CFAP91: variants seen among roughly 807,000 people sequenced by gnomAD.
CFAP91 encodes the protein cilia- and flagella-associated protein 91.
CFAP91 carries 85 observed loss-of-function variants against 95.9 expected under a neutral mutation model. The observed-to-expected ratio is 0.89, with a 90% CI of 0.74 to 1.06. The LOEUF is 1.06. Ranked by LOEUF, CFAP91 falls within the 50% of genes least tolerant of loss-of-function variation. The pLI is 0.00. For missense variants in CFAP91, 962 were observed against 943.4 expected, an observed-to-expected ratio of 1.02 and a Z score of -0.26; for synonymous variants, 335 against 327.5, an observed-to-expected ratio of 1.02 and a Z score of -0.25.
intron 5 of CFAP91, chr3:119,713,083 TTTTATTTA>T (rs199743132): frequency 0.2 from 27,424 of 139,476 alleles, 2,820 homozygotes; most frequent in Admixed American, 0.24. Context: ...TTTATTTTAT[TTTTATTTA>T]TTTATTTATT....
intron 17 of CFAP91, among the ~76,000 whole-genome samples, chr3:119,751,445 C>T (rs1005730981): frequency 6.6e-6 from 1 of 152,134 alleles, no homozygotes; most frequent in Non-Finnish European, 1.5e-5. Context: ...ACAAGGTATG[C>T]CCTAATGCAT....
At chr3:119,731,263 T>C (rs994660090) in intron 8 of CFAP91, among the ~76,000 whole-genome samples, 2 of 152,198 alleles carry the variant, frequency 1.3e-5, no homozygotes, top group Non-Finnish European at 2.9e-5. Context: ...ATCAATTACA[T>C]GTGCAGACTA....
intron 15 of CFAP91, 101 bp downstream of exon 15, chr3:119,747,364 A>ACGC: frequency 7.5e-7 from 1 of 1,325,154 alleles, no homozygotes; most frequent in South Asian, 1.5e-5. Flanking sequence ...GTAGAAACAA[A>ACGC]TAACTCATAC....
chr3:119,748,784 T>C (rs1204677607), intron 16 of CFAP91, among the ~76,000 whole-genome samples: 1 of 152,202 alleles, frequency 6.6e-6, no homozygotes, highest in Admixed American at 6.5e-5. Flanking sequence ...TGTTTCCAGT[T>C]TGTTTTCCTG....
intron 5 of CFAP91, among the ~76,000 whole-genome samples, chr3:119,712,556 G>A (rs1417786837): frequency 6.6e-6 from 1 of 152,162 alleles, no homozygotes; most frequent in East Asian, 1.9e-4. Flanking sequence ...GAATTTTATA[G>A]TAGAATAATT....
intron 3 of CFAP91, among the ~76,000 whole-genome samples, chr3:119,708,383 T>C (rs1315447325): frequency 6.6e-6 from 1 of 152,174 alleles, no homozygotes; most frequent in African/African-American, 2.4e-5. Context: ...CAGCTCTTGC[T>C]CTGTCTGACT....
In CFAP91 at chr3:119,739,238, T is replaced by C; in HGVS notation, c.1462-17T>C. On this transcript the variant is annotated splice_polypyrimidine_tract_variant and intron_variant, in intron 11 of 17. Transcript: ENST00000273390. ...CTGCAGTTCTCAAGCTGCTTGGTTC[T>C]CCCTTTGTTCTTTTAGGAAGAAGAA... is the stretch of plus-strand genomic sequence containing the variant. The C allele has an allele frequency of 6.2e-7, 1 of 1,611,828 alleles. No individual in the cohort carries two copies. Among genetic ancestry groups the C allele is most frequent in the East Asian group, 2.2e-5 (1 of 44,876 alleles).
At chr3:119,753,146 G>T (rs2054357758) in intron 17 of CFAP91, among the ~76,000 whole-genome samples, 1 of 152,102 alleles carries the variant, frequency 6.6e-6, no homozygotes, top group Non-Finnish European at 1.5e-5. Context: ...AAATTTAGAG[G>T]GTTGGGTCTG....
At chr3:119,731,895 TTTGCTTTTGATTATCC>T (rs1463491747) in intron 8 of CFAP91, among the ~76,000 whole-genome samples, 1 of 152,252 alleles carries the variant, frequency 6.6e-6, no homozygotes, top group Non-Finnish European at 1.5e-5. Context: ...ACCTGTAGTC[TTTGCTTTTGATTATCC>T]TTGTAGGGGA....
At chr3:119,736,944 C>G (rs9824097) in intron 10 of CFAP91, among the ~76,000 whole-genome samples, 2,412 of 152,206 alleles carry the variant, frequency 0.016, 59 homozygotes, top group African/African-American at 0.055. Flanking sequence ...TCAGGTGATT[C>G]TCCTGCCTCA....
At chr3:119,703,275 G>T (rs1487836768) in intron 1 of CFAP91, 53 bp downstream of exon 1, 3 of 1,597,476 alleles carry the variant, frequency 1.9e-6, no homozygotes, top group East Asian at 4.5e-5. Context: ...AGGCCAGGTG[G>T]GCTCCCAGAT....
intron 16 of CFAP91, 27 bp downstream of exon 16, chr3:119,747,929 A>C: frequency 4.6e-6 from 7 of 1,521,884 alleles, no homozygotes; most frequent in Middle Eastern, 1.7e-4. Flanking sequence ...GCTTTACTTT[A>C]GGATTTTTTA....
At chr3:119,745,084 A>G (rs2054196155) in intron 14 of CFAP91, among the ~76,000 whole-genome samples, 1 of 152,236 alleles carries the variant, frequency 6.6e-6, no homozygotes, top group African/African-American at 2.4e-5. Context: ...TCTGTCTAGC[A>G]AGGGCAAGAA....
At chr3:119,720,760 T>A (rs1421111078) in intron 6 of CFAP91, among the ~76,000 whole-genome samples, 4 of 152,222 alleles carry the variant, frequency 2.6e-5, no homozygotes, top group African/African-American at 9.6e-5. Context: ...CCTCCAACCC[T>A]ACCAAGATTT....
At position 119,732,309 on chromosome 3, in the gene CFAP91, T is replaced by A; in HGVS notation, c.1034T>A (p.Val345Glu). ...RTHVSTIRKLVGKRKNIEGKL... is the reference protein window; with the variant it reads ...RTHVSTIRKLEGKRKNIEGKL... ...TTTATTTCAGCAATCAGAAAACTTG[T>A]AGGAAAGAGAAAGAATATAGAAGGG... is the stretch of plus-strand genomic sequence containing the variant. Residue 345 changes from valine to glutamate, a missense_variant, in exon 9 of 18, where the codon GTA becomes GAA. Physicochemically the swap from Val to Glu is moderately radical, Grantham distance 121 (BLOSUM62 -2). Coordinates refer to ENST00000273390, the MANE Select transcript of CFAP91 (RefSeq NM_033364.4). 6.2e-7 allele frequency: 1 copy of A among 1,600,546 alleles called. No homozygotes were observed. The highest frequency in any genetic ancestry group is 8.5e-7 in the Non-Finnish European group (1 of 1,173,078).
At chr3:119,751,188 G>A in intron 17 of CFAP91, 90 bp downstream of exon 17, 1 of 1,389,064 alleles carries the variant, frequency 7.2e-7, no homozygotes, top group Non-Finnish European at 9.7e-7. Flanking sequence ...CAATCATAAT[G>A]TGAAGATTGC....
chr3:119,739,450 T>C, intron 12 of CFAP91, 124 bp downstream of exon 12: 2 of 806,442 alleles, frequency 2.5e-6, no homozygotes, highest in South Asian at 3.4e-5. Flanking sequence ...AGCTAAACTC[T>C]TGAGTTGCCT....
chr3:119,727,053 A>G (rs2053797100), intron 7 of CFAP91, among the ~76,000 whole-genome samples: 2 of 152,206 alleles, frequency 1.3e-5, no homozygotes, highest in African/African-American at 2.4e-5. Context: ...AAATGATAAG[A>G]GATTATGAGA....
chr3:119,764,931 G>C (rs1351520875), intron 17 of CFAP91, 121 bp from the exon 18 acceptor site: 1 of 152,172 alleles, frequency 6.6e-6, no homozygotes, highest in Non-Finnish European at 1.5e-5. Flanking sequence ...GTGTGGGGCT[G>C]TCTGAGTTCA....
Sources: gnomAD v4.1 joint callset for allele counts (sites outside exome capture counted in the v4.1 genomes callset) on GRCh38, gnomAD v4.1.1 for gene constraint, MANE v1.5 for transcripts, NCBI Gene and HGNC (gene_info 2026-07-23, HGNC 2026-07-21) for gene names.